Variants in POU6F2 observed in about 807,000 individuals in gnomAD.
POU6F2 encodes POU domain, class 6, transcription factor 2.
POU6F2 carries 31 observed loss-of-function variants against 71.3 expected under a neutral mutation model. The ratio of observed to expected loss-of-function variants is 0.43; its 90% CI spans 0.33 to 0.59. The LOEUF (loss-of-function observed/expected upper bound fraction) is 0.59, where lower values mean the gene tolerates loss of function less well. Ranked by LOEUF, POU6F2 falls within the 20% of genes least tolerant of loss-of-function variation. The pLI is 0.04. For missense variants in POU6F2, 783 were observed against 856.8 expected, an observed-to-expected ratio of 0.91 and a Z score of 1.07; for synonymous variants, 347 against 355.7, an observed-to-expected ratio of 0.98 and a Z score of 0.27.
At chr7:39,292,017 T>A (rs1784767286) in intron 4 of POU6F2, among the ~76,000 whole-genome samples, 1 of 132,024 alleles carries the variant, frequency 7.6e-6, no homozygotes. Context: ...GAGGAGGAAA[T>A]ATGGGATACT....
chr7:39,333,569 TC>T (rs1337852882), intron 4 of POU6F2, among the ~76,000 whole-genome samples: 5 of 151,912 alleles, frequency 3.3e-5, no homozygotes, highest in Non-Finnish European at 7.4e-5. Context: ...AAACCCCATC[TC>T]TACCAAAAAT....
intron 1 of POU6F2, among the ~76,000 whole-genome samples, chr7:39,043,229 C>T (rs1022486668): frequency 1.3e-5 from 2 of 151,796 alleles, no homozygotes; most frequent in African/African-American, 4.8e-5. Context: ...TGAATTCCAC[C>T]ACCTTTTTAT....
At chr7:39,376,572 C>T (rs1024012387) in intron 5 of POU6F2, among the ~76,000 whole-genome samples, 1 of 152,206 alleles carries the variant, frequency 6.6e-6, no homozygotes, top group Non-Finnish European at 1.5e-5. Flanking sequence ...CATGCTCTCT[C>T]ATTTCACAGA....
intron 8 of POU6F2, among the ~76,000 whole-genome samples, chr7:39,458,862 G>A (rs1054539522): frequency 2.0e-5 from 3 of 152,050 alleles, no homozygotes; most frequent in Admixed American, 6.5e-5. Context: ...CTGTGTGCAC[G>A]CTGTCACCAC....
At chr7:39,129,865 C>A (rs1792224792) in intron 2 of POU6F2, among the ~76,000 whole-genome samples, 1 of 151,850 alleles carries the variant, frequency 6.6e-6, no homozygotes. Flanking sequence ...AGATTGAAAC[C>A]ATCCTGGCTA....
intron 5 of POU6F2, among the ~76,000 whole-genome samples, chr7:39,365,861 G>A (rs1198549372): frequency 6.6e-6 from 1 of 152,174 alleles, no homozygotes; most frequent in African/African-American, 2.4e-5. Context: ...TTGCTGGGTG[G>A]TGTCAGGGTG....
chr7:39,432,309 G>A (rs1788122114), intron 6 of POU6F2, among the ~76,000 whole-genome samples: 1 of 151,982 alleles, frequency 6.6e-6, no homozygotes, highest in Admixed American at 6.6e-5. Flanking sequence ...TTTAGGCCCT[G>A]GCTTTAAAAC....
intron 4 of POU6F2, among the ~76,000 whole-genome samples, chr7:39,292,500 G>C (rs966594686): frequency 3.9e-5 from 6 of 152,190 alleles, no homozygotes; most frequent in Admixed American, 2.0e-4. Flanking sequence ...AAATCAACAG[G>C]GGTGAAAAGT....
chr7:39,324,144 G>T (rs1785461824), intron 4 of POU6F2, among the ~76,000 whole-genome samples: 1 of 151,506 alleles, frequency 6.6e-6, no homozygotes, highest in African/African-American at 2.4e-5. Flanking sequence ...CTCTTGCAGT[G>T]ATGCAGACAA....
At chr7:39,437,586 T>C (rs1187243542) in intron 7 of POU6F2, among the ~76,000 whole-genome samples, 1 of 152,182 alleles carries the variant, frequency 6.6e-6, no homozygotes, top group Non-Finnish European at 1.5e-5. Flanking sequence ...CCTGGATTCA[T>C]TAATTTTTGG....
At chr7:39,311,085 G>A (rs539938454) in intron 4 of POU6F2, among the ~76,000 whole-genome samples, 19 of 152,194 alleles carry the variant, frequency 1.2e-4, no homozygotes, top group Middle Eastern at 3.4e-3. Context: ...CCGGAGAGCA[G>A]GGAGTGGGTT....
chr7:39,136,369 C>T (rs1003832793), intron 2 of POU6F2, among the ~76,000 whole-genome samples: 30 of 152,152 alleles, frequency 2.0e-4, no homozygotes, highest in Non-Finnish European at 4.1e-4. Flanking sequence ...CTGCAAGGTA[C>T]CGTCTCAAGA....
intron 4 of POU6F2, among the ~76,000 whole-genome samples, chr7:39,245,056 A>C (rs903236398): frequency 1.3e-5 from 2 of 152,194 alleles, no homozygotes; most frequent in African/African-American, 4.8e-5. Context: ...TATTTCACAG[A>C]AATAATGTGG....
At chr7:39,412,498 AT>A (rs982940066) in intron 6 of POU6F2, among the ~76,000 whole-genome samples, 13 of 152,360 alleles carry the variant, frequency 8.5e-5, no homozygotes, top group African/African-American at 2.9e-4. Flanking sequence ...TAACAAAGCC[AT>A]AGCTTAACAC....
chr7:39,225,949 A>T (rs1158174727), intron 4 of POU6F2, among the ~76,000 whole-genome samples: 1 of 151,450 alleles, frequency 6.6e-6, no homozygotes, highest in Non-Finnish European at 1.5e-5. Context: ...TGTAGAATTA[A>T]TTCCTTTAAA....
chr7:39,085,688 T>G, intron 1 of POU6F2, 172 bp from the exon 2 acceptor site: 1 of 672,020 alleles, frequency 1.5e-6, no homozygotes. Flanking sequence ...GCTCTTCACT[T>G]GACTGCAGCC....
intron 2 of POU6F2, among the ~76,000 whole-genome samples, chr7:39,203,591 T>C (rs1313862056): frequency 2.0e-5 from 3 of 152,326 alleles, no homozygotes; most frequent in Middle Eastern, 6.8e-3. Context: ...TGCTGTCCAG[T>C]AGGATTCTGG....
chr7:39,293,207 G>T (rs1784794752), intron 4 of POU6F2, among the ~76,000 whole-genome samples: 1 of 152,074 alleles, frequency 6.6e-6, no homozygotes, highest in Admixed American at 6.6e-5. Context: ...GCTTCTGGGG[G>T]GCCACCCTCC....
intron 2 of POU6F2, among the ~76,000 whole-genome samples, chr7:39,179,628 G>A (rs1793400317): frequency 6.6e-6 from 1 of 152,244 alleles, no homozygotes. Context: ...TTGATCCACT[G>A]GATCTGGGGT....
Sources: allele counts gnomAD v4.1 joint callset (sites outside exome capture counted in the v4.1 genomes callset), GRCh38; gene constraint gnomAD v4.1.1; transcripts MANE v1.5; gene names NCBI Gene and HGNC (gene_info 2026-07-23, HGNC 2026-07-21).